CCDC144A: variants seen among roughly 807,000 people sequenced by gnomAD.
The protein encoded by CCDC144A is coiled-coil domain containing 144A, also known as coiled-coil domain-containing protein 144A.
CCDC144A carries 41 observed loss-of-function variants against 143.8 expected under a neutral mutation model. That is an observed-to-expected ratio of 0.29 (90% CI 0.22 to 0.37). The LOEUF (loss-of-function observed/expected upper bound fraction) is 0.37, where lower values mean the gene tolerates loss of function less well. Among genes scored for constraint, CCDC144A ranks in the 10% least tolerant of loss-of-function variants. CCDC144A has a pLI of 1.00. For missense variants in CCDC144A, 637 were observed against 1,488.8 expected, an observed-to-expected ratio of 0.43 and a Z score of 9.41; for synonymous variants, 242 against 517.9, an observed-to-expected ratio of 0.47 and a Z score of 7.23.
rs1298408248 is a variant in CCDC144A at position 16,720,561 on chromosome 17, G to T, written c.1794G>T (p.Met598Ile). 2 of 1,608,816 alleles carry T rather than the reference G, an allele frequency of 1.2e-6. No homozygotes were observed. The highest frequency in any genetic ancestry group is 2.2e-5 in the East Asian group (1 of 44,838). The change falls in exon 8 of 17, where the codon ATG (methionine) becomes ATT (isoleucine). Residue 598 changes from methionine to isoleucine, a missense_variant. By Grantham distance (10) the Met-to-Ile change is conservative. Coordinates refer to ENST00000399273, the MANE Select transcript of CCDC144A (RefSeq NM_001382000.1). The part of the protein sequence containing the change: ...IYPEADFADS[M>I]EPSEIASEDC... ...CTGAGGCTGACTTTGCTGACTCAATGGAGCCATCTGAAATAGCCTCAGAGG... is the reference window on the plus strand; with the variant it reads ...CTGAGGCTGACTTTGCTGACTCAATTGAGCCATCTGAAATAGCCTCAGAGG...
intron 12 of CCDC144A, among the ~76,000 whole-genome samples, chr17:16,758,170 T>G (rs1421517421): frequency 6.6e-6 from 1 of 152,238 alleles, no homozygotes. Flanking sequence ...CAATTGACCC[T>G]ATAACTATAA....
rs1912235998 is a variant in CCDC144A at position 16,709,162 on chromosome 17, C to T, written c.1105C>T (p.Leu369Phe). 6.2e-7 allele frequency: 1 copy of T among 1,611,554 alleles called. No homozygotes were observed. The highest frequency in any genetic ancestry group is 1.3e-5 in the African/African-American group (1 of 74,838). The change falls in exon 5 of 17, where the codon CTC (leucine) becomes TTC (phenylalanine). Residue 369 changes from leucine (L) to phenylalanine (F), a missense_variant. Leu to Phe is a conservative substitution (Grantham distance 22). Coordinates refer to ENST00000399273, the MANE Select transcript of CCDC144A (RefSeq NM_001382000.1). ...ATTTCCTGAACAAAAAGAACCCAGT[C>T]TCAAAAATATCATCCATCCATACTA... ...ETFPEQKEPS[L>F]KNIIHPYYHP...
At chr17:16,730,963 T>C (rs919470750) in intron 9 of CCDC144A, among the ~76,000 whole-genome samples, 4 of 146,570 alleles carry the variant, frequency 2.7e-5, no homozygotes, top group African/African-American at 1.0e-4. Flanking sequence ...TTTATTTATT[T>C]CTCTTACCTG....
At chr17:16,745,505 C>T in intron 12 of CCDC144A, 1 of 1,150,130 alleles carries the variant, frequency 8.7e-7, no homozygotes, top group South Asian at 1.4e-5. Flanking sequence ...TCTATGTCAC[C>T]CTCTGTATTT....
chr17:16,708,189 T>C (rs1567587913), intron 4 of CCDC144A, among the ~76,000 whole-genome samples: 1 of 152,188 alleles, frequency 6.6e-6, no homozygotes, highest in Non-Finnish European at 1.5e-5. Context: ...GACCATAGTA[T>C]ATATTAGAAC....
chr17:16,716,820 T>G (rs1026174422), intron 6 of CCDC144A, among the ~76,000 whole-genome samples: 12 of 149,740 alleles, frequency 8.0e-5, no homozygotes, highest in African/African-American at 2.2e-4. Flanking sequence ...CTGTTTTTTT[T>G]TTTTTTTTTT....
At chr17:16,689,147 C>T (rs1389641156), upstream of CCDC144A, among the ~76,000 whole-genome samples, 1 of 152,036 alleles carries the variant, frequency 6.6e-6, no homozygotes, top group Non-Finnish European at 1.5e-5. Flanking sequence ...TTTCTTTCTT[C>T]CTTTCTTCCT....
chr17:16,725,002 A>ATTTTTTTTTTTTTTTTTTT (rs1167527388), intron 8 of CCDC144A, among the ~76,000 whole-genome samples: 3 of 37,284 alleles, frequency 8.0e-5, no homozygotes, highest in African/African-American at 2.5e-4. Flanking sequence ...ATAGCTGGTA[A>ATTTTTTTTTTTTTTTTTTT]TTTTTTTTTT....
chr17:16,696,353 C>T (rs1273967897), intron 2 of CCDC144A, among the ~76,000 whole-genome samples: 5 of 115,380 alleles, frequency 4.3e-5, no homozygotes, highest in African/African-American at 1.4e-4. Flanking sequence ...GATCTCGGGC[C>T]GGGCATGGTG....
At chr17:16,714,944 T>TCCCTG (rs1280266718) in intron 6 of CCDC144A, among the ~76,000 whole-genome samples, 1 of 152,208 alleles carries the variant, frequency 6.6e-6, no homozygotes, top group Non-Finnish European at 1.5e-5. Context: ...ACTGGGCAGT[T>TCCCTG]CCCTGTGTCT....
chr17:16,719,253 GTATT>G lies in CCDC144A; in HGVS notation c.1716-939_1716-936del, dbSNP rs377753819. On this transcript the variant is annotated intron_variant, in intron 6 of 16. Coordinates refer to ENST00000399273, the MANE Select transcript of CCDC144A (RefSeq NM_001382000.1). Reference sequence around the variant, plus strand: ...TCAGCATGTATTGTGTGCTCAATGAGTATTTATTTGTTGAACGGGTGAATGAATG... The same window carrying G: ...TCAGCATGTATTGTGTGCTCAATGAGTATTTGTTGAACGGGTGAATGAATG... Among the ~76,000 whole-genome samples, 402 of 152,184 alleles carry G rather than the reference GTATT, an allele frequency of 2.6e-3. 3 individuals carry two copies. Among genetic ancestry groups the G allele is most frequent in the African/African-American group, 9.4e-3 (391 of 41,494 alleles).
At chr17:16,686,090 T>TGG (rs796600347), upstream of CCDC144A, among the ~76,000 whole-genome samples, 2 of 137,234 alleles carry the variant, frequency 1.5e-5, no homozygotes, top group African/African-American at 5.1e-5. Context: ...CTGTTTTTTT[T>TGG]GTTTTTTTTT....
At chr17:16,710,805 T>C (rs1345189436) in intron 5 of CCDC144A, among the ~76,000 whole-genome samples, 1 of 152,158 alleles carries the variant, frequency 6.6e-6, no homozygotes, top group Admixed American at 6.5e-5. Flanking sequence ...ATCTGATTAA[T>C]TTGCTGAATT....
intron 12 of CCDC144A, among the ~76,000 whole-genome samples, chr17:16,747,352 G>A (rs1914582701): frequency 6.6e-6 from 1 of 152,206 alleles, no homozygotes; most frequent in African/African-American, 2.4e-5. Context: ...GTAATGTGAT[G>A]CATCAGGCTT....
Position 16,706,790 on chromosome 17 carries a change from T to G in CCDC144A, c.665-679T>G, listed in dbSNP as rs540546689. On this transcript the variant is annotated intron_variant, in intron 3 of 16. Coordinates refer to ENST00000399273, the MANE Select transcript of CCDC144A (RefSeq NM_001382000.1). ...CCCTACAGTCAAGGAGCAAAGGGAATAGACATGTAAAGCAATAATTGACAG... is the reference window on the plus strand; with the variant it reads ...CCCTACAGTCAAGGAGCAAAGGGAAGAGACATGTAAAGCAATAATTGACAG... 3 of 152,222 alleles carry G rather than the reference T, an allele frequency of 2.0e-5. No homozygotes were observed. In the East Asian group the frequency reaches 5.8e-4, roughly 29 times the overall value. 9.4% of individuals were successfully genotyped at this position (152,222 alleles called of 1,614,324 possible).
chr17:16,720,801 G>C (rs1370602981), intron 8 of CCDC144A, 143 bp downstream of exon 8: 1 of 1,398,924 alleles, frequency 7.1e-7, no homozygotes, highest in East Asian at 2.5e-5. Flanking sequence ...TATACTCTAC[G>C]CCAAAGAGCT....
At chr17:16,711,623 T>G (rs1424068865) in intron 5 of CCDC144A, 56 bp from the exon 6 acceptor site, 1 of 1,608,606 alleles carries the variant, frequency 6.2e-7, no homozygotes, top group African/African-American at 1.3e-5. Flanking sequence ...AGAAAAAAGT[T>G]CTTTGTATTG....
intron 2 of CCDC144A, among the ~76,000 whole-genome samples, chr17:16,702,286 C>T (rs2928642): frequency 5.8e-4 from 89 of 152,254 alleles, no homozygotes; most frequent in African/African-American, 2.0e-3. Context: ...ACTGAATGAA[C>T]GGTGTGGCTC....
rs1175360720 is a variant in CCDC144A at position 16,775,128 on chromosome 17, T to C, written c.*1495T>C. ...AGTTTATCATTGATGGGCTTTTAGG[T>C]TGATTCTTTGTCTTTGCTATTGTGA... On this transcript the variant is annotated 3_prime_UTR_variant, in exon 17 of 17. Transcript: ENST00000399273. 6.6e-6 allele frequency: 1 copy of C among 152,254 alleles called. No homozygotes were observed. The highest frequency in any genetic ancestry group is 2.4e-5 in the African/African-American group (1 of 41,452). The allele number at this position is 152,254 out of a possible 1,614,324, so 9.4% of individuals were successfully genotyped here. A position where few individuals can be genotyped will look rare whatever the true frequency, so the allele number is the denominator to read the frequency against.
Sources: allele counts gnomAD v4.1 joint callset (sites outside exome capture counted in the v4.1 genomes callset), GRCh38; gene constraint gnomAD v4.1.1; transcripts MANE v1.5; gene names NCBI Gene and HGNC (gene_info 2026-07-23, HGNC 2026-07-21).